AGAP1: variants seen among roughly 807,000 people sequenced by gnomAD.
AGAP1 encodes the protein ArfGAP with GTPase domain, ankyrin repeat and PH domain 1.
Under a neutral mutation model 105.3 loss-of-function variants are expected in AGAP1, and 29 were observed. The ratio of observed to expected loss-of-function variants is 0.28; its 90% CI spans 0.21 to 0.38. AGAP1 has a LOEUF of 0.38. Among genes scored for constraint, AGAP1 ranks in the 10% least tolerant of loss-of-function variants. The pLI is 1.00. For synonymous variants in AGAP1, 509 were observed against 485.9 expected, an observed-to-expected ratio of 1.05 and a Z score of -0.63; for missense variants, 998 against 1,165.1, an observed-to-expected ratio of 0.86 and a Z score of 2.09.
Position 235,716,698 on chromosome 2 carries a change from G to A in AGAP1, c.223-859G>A, listed in dbSNP as rs1000825207. The stretch of plus-strand genomic sequence containing the variant: ...TGATGAGCAGCTTCCCAGAGAAGGC[G>A]GCATGGGGGGTATCCAGCTCCCAAG... On this transcript the variant is annotated intron_variant, in intron 2 of 17. Coordinates refer to ENST00000304032, the MANE Select transcript of AGAP1 (RefSeq NM_001037131.3). The surrounding 1 kb of genome is among the most constrained non-coding windows in gnomAD (Gnocchi z 4.0). Among the ~76,000 whole-genome samples, 7 of 152,146 alleles carry A rather than the reference G, an allele frequency of 4.6e-5. No homozygotes were observed. The highest frequency in any genetic ancestry group is 1.7e-4 in the African/African-American group (7 of 41,416).
chr2:235,542,174 G>A (rs1181040228), intron 1 of AGAP1, among the ~76,000 whole-genome samples: 1 of 151,860 alleles, frequency 6.6e-6, no homozygotes, highest in African/African-American at 2.4e-5. Flanking sequence ...CTGGACTTCA[G>A]AGCAAGACCT....
chr2:236,010,588 A>G (rs1189487383), intron 13 of AGAP1, among the ~76,000 whole-genome samples: 3 of 152,328 alleles, frequency 2.0e-5, no homozygotes, highest in African/African-American at 4.8e-5. Context: ...AAGTCCATAC[A>G]TAGCCAGTGT....
intron 6 of AGAP1, chr2:235,776,937 A>G (rs1356549714): frequency 2.1e-6 from 1 of 471,032 alleles, no homozygotes; most frequent in African/African-American, 2.0e-5. Flanking sequence ...CGGAGCAGGA[A>G]AAGCTGGGGC....
rs1553552439 is a variant in AGAP1, at chr2:236,036,756, CA to C, written c.1800+42del. 6.2e-7 allele frequency: 1 copy of C among 1,611,446 alleles called. No homozygotes were observed. The highest frequency in any genetic ancestry group is 8.5e-7 in the Non-Finnish European group (1 of 1,179,098). On this transcript the variant is annotated intron_variant, in intron 14 of 17. Transcript: ENST00000304032. The surrounding 1 kb of genome is among the most constrained non-coding windows in gnomAD (Gnocchi z 5.7). ...GCCCAAAACCAAGGCTGGGGCTGCT[CA>C]GGGGGAGTGCGGGCCCCAAGTAATG...
At chr2:235,809,362 T>G (rs1958008833) in intron 9 of AGAP1, among the ~76,000 whole-genome samples, 1 of 152,152 alleles carries the variant, frequency 6.6e-6, no homozygotes. Flanking sequence ...CATGGTCTGA[T>G]TTCCCGGTGA....
intron 7 of AGAP1, 82 bp downstream of exon 7, chr2:235,797,968 A>AT (rs140030205): frequency 0.25 from 353,521 of 1,394,036 alleles, 29,676 homozygotes; most frequent in Admixed American, 0.4. Flanking sequence ...GCTAAGGTTG[A>AT]TTTTTTTTTT....
chr2:235,670,318 C>T (rs1948319420), intron 1 of AGAP1: 2 of 473,638 alleles, frequency 4.2e-6, no homozygotes, highest in African/African-American at 2.0e-5. Flanking sequence ...AGGAGGAGGC[C>T]GAGGAGGCGG....
intron 10 of AGAP1, among the ~76,000 whole-genome samples, chr2:235,895,718 G>C (rs527989289): frequency 6.9e-6 from 1 of 145,656 alleles, no homozygotes; most frequent in East Asian, 2.0e-4. Flanking sequence ...TGGATGGATG[G>C]ATGGATGGAT....
At position 235,566,716 on chromosome 2, in the gene AGAP1, A is replaced by G; in HGVS notation, c.163+71867A>G. ...ACACAGGATGCATATTCAGGCAGGA[A>G]GTTGTTGGGGTTAACATGAGTGGAC... is the stretch of plus-strand genomic sequence containing the variant. On this transcript the variant is annotated intron_variant, in intron 1 of 17. Coordinates refer to ENST00000304032, the MANE Select transcript of AGAP1 (RefSeq NM_001037131.3). This position sits in a 1 kb window ranked among gnomAD's most constrained non-coding sequence, Gnocchi z 5.2. The G allele has an allele frequency of 6.0e-6, 4 of 664,550 alleles. No homozygotes were observed. The highest frequency in any genetic ancestry group is 7.5e-6 in the Non-Finnish European group (4 of 536,910). 41.2% of individuals were successfully genotyped at this position (664,550 alleles called of 1,614,324 possible).
chr2:235,967,758 C>G lies in AGAP1; in HGVS notation c.1484-704C>G, dbSNP rs960680058. On this transcript the variant is annotated intron_variant, in intron 12 of 17. Coordinates refer to ENST00000304032, the MANE Select transcript of AGAP1 (RefSeq NM_001037131.3). The surrounding 1 kb of genome is among the most constrained non-coding windows in gnomAD (Gnocchi z 4.7). ...GGTCATGTAGTACCGCTTTGGCCTT[C>G]TCTTTGATAAAGATACAAATGGACA... Among the ~76,000 whole-genome samples the G allele has an allele frequency of 1.3e-5, 2 of 152,198 alleles. No individual in the cohort carries two copies. Among genetic ancestry groups the G allele is most frequent in the African/African-American group, 4.8e-5 (2 of 41,438 alleles).
chr2:236,015,239 T>A (rs760655743), intron 13 of AGAP1, among the ~76,000 whole-genome samples: 1 of 152,248 alleles, frequency 6.6e-6, no homozygotes, highest in Non-Finnish European at 1.5e-5. Context: ...AGTGTTAGTA[T>A]CAGGTGTAAT....
intron 9 of AGAP1, among the ~76,000 whole-genome samples, chr2:235,838,229 T>C (rs751303685): frequency 3.3e-5 from 5 of 151,934 alleles, no homozygotes; most frequent in Non-Finnish European, 7.4e-5. Flanking sequence ...CAGGGTTACT[T>C]TACAAAGCTG....
chr2:235,713,576 A>G (rs767588613), intron 2 of AGAP1, among the ~76,000 whole-genome samples: 1 of 152,240 alleles, frequency 6.6e-6, no homozygotes, highest in Non-Finnish European at 1.5e-5. Flanking sequence ...AATTGTCAGT[A>G]TTGGAGGAAG....
At chr2:235,850,466 G>A (rs2048390886) in intron 9 of AGAP1, among the ~76,000 whole-genome samples, 1 of 152,190 alleles carries the variant, frequency 6.6e-6, no homozygotes, top group African/African-American at 2.4e-5. Flanking sequence ...CACCCTGGCA[G>A]GACATCAGCC....
intron 1 of AGAP1, among the ~76,000 whole-genome samples, chr2:235,703,235 C>G (rs982905135): frequency 1.3e-5 from 2 of 151,948 alleles, no homozygotes; most frequent in African/African-American, 4.8e-5. Context: ...GCCCGAGCCA[C>G]GGTTTTCCAT....
intron 11 of AGAP1, among the ~76,000 whole-genome samples, chr2:235,921,779 A>C (rs1026640944): frequency 6.6e-6 from 1 of 152,260 alleles, no homozygotes; most frequent in African/African-American, 2.4e-5. Context: ...CAAGTATCAC[A>C]GGATGCAGAG....
In AGAP1 at chr2:235,976,634, G is replaced by T. The variant is rs779472203; in HGVS notation, c.1645+8011G>T. On this transcript the variant is annotated intron_variant, in intron 13 of 17. Coordinates refer to ENST00000304032, the MANE Select transcript of AGAP1 (RefSeq NM_001037131.3). This position sits in a 1 kb window ranked among gnomAD's most constrained non-coding sequence, Gnocchi z 4.5. ...AGCACCTACTGCACGCAAGAGTTTT[G>T]TCTGATGCTGGATGGGACATCAACT... Among the ~76,000 whole-genome samples the T allele has an allele frequency of 1.3e-5, 2 of 152,006 alleles. No homozygotes were observed. The highest frequency in any genetic ancestry group is 1.5e-5 in the Non-Finnish European group (1 of 68,014).
At chr2:235,710,581 T>G (rs1160613119) in intron 2 of AGAP1, among the ~76,000 whole-genome samples, 1 of 152,198 alleles carries the variant, frequency 6.6e-6, no homozygotes. Flanking sequence ...TCAGTCCTAG[T>G]GCTGTCTCAG....
intron 13 of AGAP1, among the ~76,000 whole-genome samples, chr2:236,028,104 T>A (rs538268391): frequency 3.0e-4 from 46 of 152,310 alleles, no homozygotes; most frequent in Non-Finnish European, 4.0e-4. Flanking sequence ...TTAGCTGTGC[T>A]TTCCACGGTC....
Sources: gnomAD v4.1 joint callset for allele counts (sites outside exome capture counted in the v4.1 genomes callset) on GRCh38, gnomAD v4.1.1 for gene constraint, Gnocchi (gnomAD v3.1) non-coding constraint, MANE v1.5 for transcripts, NCBI Gene and HGNC (gene_info 2026-07-23, HGNC 2026-07-21) for gene names.